The following LHFPL6 variants were observed in gnomAD, a reference collection of about 807,000 sequenced individuals.
LHFPL6 encodes the protein LHFPL tetraspan subfamily member 6, also known as LHFPL tetraspan subfamily member 6 protein.
Under a neutral mutation model 20.6 loss-of-function variants are expected in LHFPL6, and 9 were observed. The ratio of observed to expected loss-of-function variants is 0.44; its 90% CI spans 0.26 to 0.76. The LOEUF (loss-of-function observed/expected upper bound fraction) is 0.76. LHFPL6 is among the 30% of genes least tolerant of loss of function. The probability of loss-of-function intolerance (pLI) is 0.20; values close to 1 mark genes in which losing one functional copy is unlikely to be tolerated. For missense variants in LHFPL6, 218 were observed against 253.5 expected (o/e 0.86, Z 0.95); for synonymous variants, 105 against 98.7 (o/e 1.06, Z -0.38).
chr13:39,569,219 T>A (rs553137354), intron 2 of LHFPL6, among the ~76,000 whole-genome samples: 1 of 151,508 alleles, frequency 6.6e-6, no homozygotes, highest in South Asian at 2.1e-4. Flanking sequence ...ACTGCAAACA[T>A]CAGAATTGTT....
chr13:39,413,060 C>T (rs547952613), intron 2 of LHFPL6, among the ~76,000 whole-genome samples: 23 of 152,222 alleles, frequency 1.5e-4, no homozygotes, highest in African/African-American at 4.1e-4. Context: ...CAAAGATGAA[C>T]GAGCCCTAAC....
intron 2 of LHFPL6, among the ~76,000 whole-genome samples, chr13:39,447,778 T>C (rs993856930): frequency 4.6e-5 from 7 of 152,194 alleles, no homozygotes; most frequent in African/African-American, 1.7e-4. Flanking sequence ...CGACCTAGTA[T>C]AGTATTTGGG....
At chr13:39,593,795 C>A (rs1872684846) in intron 2 of LHFPL6, among the ~76,000 whole-genome samples, 1 of 151,908 alleles carries the variant, frequency 6.6e-6, no homozygotes, top group Non-Finnish European at 1.5e-5. Flanking sequence ...AGAACAGAGC[C>A]CTCAGAAATA....
Position 39,380,046 on chromosome 13 carries a change from C to T in LHFPL6, c.386-1520G>A, listed in dbSNP as rs76189533. On this transcript the variant is annotated intron_variant, in intron 2 of 3. Coordinates refer to ENST00000379589, the MANE Select transcript of LHFPL6 (RefSeq NM_005780.3). ...TGGCCAATTTCCTTAGGCTTTTCCCCTTGGGATAGAATGTACAGCATTCTA... is the reference window on the plus strand; with the variant it reads ...TGGCCAATTTCCTTAGGCTTTTCCCTTTGGGATAGAATGTACAGCATTCTA... Among the ~76,000 whole-genome samples the T allele has an allele frequency of 9.4e-3, 1,437 of 152,296 alleles. 24 individuals are homozygous for T. Among genetic ancestry groups the T allele is most frequent in the African/African-American group, 0.033 (1,369 of 41,550 alleles).
chr13:39,444,662 A>G (rs1872238041), intron 2 of LHFPL6, among the ~76,000 whole-genome samples: 1 of 152,180 alleles, frequency 6.6e-6, no homozygotes, highest in Non-Finnish European at 1.5e-5. Context: ...CAAGCTATAA[A>G]TCTTGATAAC....
At chr13:39,492,788 C>G (rs947805821) in intron 2 of LHFPL6, among the ~76,000 whole-genome samples, 1 of 152,072 alleles carries the variant, frequency 6.6e-6, no homozygotes, top group African/African-American at 2.4e-5. Flanking sequence ...TCAAGTGATT[C>G]TCCTGCCTCA....
intron 2 of LHFPL6, among the ~76,000 whole-genome samples, chr13:39,589,390 T>C (rs1452025351): frequency 6.6e-6 from 1 of 152,132 alleles, no homozygotes; most frequent in East Asian, 1.9e-4. Flanking sequence ...ATTACAGATG[T>C]GAGTCACCGC....
At chr13:39,374,669 C>A (rs1357358098) in intron 3 of LHFPL6, among the ~76,000 whole-genome samples, 1 of 152,154 alleles carries the variant, frequency 6.6e-6, no homozygotes, top group East Asian at 1.9e-4. Flanking sequence ...TGTTTGCCAA[C>A]CTCTGGCTTA....
At chr13:39,364,087 T>C (rs1048243309) in intron 3 of LHFPL6, among the ~76,000 whole-genome samples, 1 of 152,196 alleles carries the variant, frequency 6.6e-6, no homozygotes, top group African/African-American at 2.4e-5. Context: ...GAAACATCAT[T>C]ATGTAGTGCG....
chr13:39,347,306 C>G (rs1869431469), intron 3 of LHFPL6, among the ~76,000 whole-genome samples: 1 of 152,100 alleles, frequency 6.6e-6, no homozygotes, highest in South Asian at 2.1e-4. Flanking sequence ...AATTCTACTT[C>G]CAGATCGTGG....
chr13:39,361,954 G>C (rs1462482624), intron 3 of LHFPL6, among the ~76,000 whole-genome samples: 1 of 152,208 alleles, frequency 6.6e-6, no homozygotes, highest in East Asian at 1.9e-4. Flanking sequence ...GATAAACCCA[G>C]TGTGATGAAA....
Position 39,403,170 on chromosome 13 carries a change from A to ATACAT in LHFPL6, c.386-24645_386-24644insATGTA, listed in dbSNP as rs536647402. 5.3e-4 allele frequency among the ~76,000 whole-genome samples: 81 copies of ATACAT among 152,350 alleles called. 1 individual carries two copies. The South Asian group carries it at 9.1e-3, about 17-fold the overall frequency. On this transcript the variant is annotated intron_variant, in intron 2 of 3. Transcript: ENST00000379589. ...CAGGGATCAATACATTGTGTGAGGTATGGGAGAAGCAATGCTTTTGTCAAG... is the reference window on the plus strand; with the variant it reads ...CAGGGATCAATACATTGTGTGAGGTATACATTGGGAGAAGCAATGCTTTTGTCAAG...
chr13:39,540,774 A>G (rs1189621107), intron 2 of LHFPL6, among the ~76,000 whole-genome samples: 1 of 152,230 alleles, frequency 6.6e-6, no homozygotes, highest in Non-Finnish European at 1.5e-5. Flanking sequence ...AAAGTATTTT[A>G]AGTTGCCAAA....
intron 3 of LHFPL6, among the ~76,000 whole-genome samples, chr13:39,345,539 A>AG (rs1399253868): frequency 6.8e-6 from 1 of 146,326 alleles, no homozygotes; most frequent in African/African-American, 2.5e-5. Flanking sequence ...AAAAAAAAAA[A>AG]AGAAAGAAAA....
intron 2 of LHFPL6, among the ~76,000 whole-genome samples, chr13:39,453,574 C>A (rs1038560397): frequency 6.6e-5 from 10 of 152,166 alleles, no homozygotes; most frequent in African/African-American, 2.4e-4. Flanking sequence ...ATTGGCAAGG[C>A]AAGTATTAGT....
chr13:39,427,965 G>A (rs112362397), intron 2 of LHFPL6, among the ~76,000 whole-genome samples: 3,952 of 152,294 alleles, frequency 0.026, 155 homozygotes, highest in African/African-American at 0.087. Context: ...GCCATGTGAA[G>A]TGCTGGCTCC....
At chr13:39,597,231 C>T (rs1031395656) in intron 2 of LHFPL6, among the ~76,000 whole-genome samples, 1 of 152,196 alleles carries the variant, frequency 6.6e-6, no homozygotes, top group African/African-American at 2.4e-5. Context: ...GGTACTTCCT[C>T]ATTACTGCAC....
intron 2 of LHFPL6, among the ~76,000 whole-genome samples, chr13:39,515,126 C>A (rs980129535): frequency 6.6e-6 from 1 of 152,366 alleles, no homozygotes; most frequent in African/African-American, 2.4e-5. Flanking sequence ...GCTCTGCCCA[C>A]TTCACCTGGC....
intron 2 of LHFPL6, among the ~76,000 whole-genome samples, chr13:39,440,328 G>T (rs750591652): frequency 1.3e-5 from 2 of 152,100 alleles, no homozygotes; most frequent in Non-Finnish European, 2.9e-5. Flanking sequence ...TCTACACTCT[G>T]TTTAAAAAAC....
Sources: allele counts gnomAD v4.1 joint callset (sites outside exome capture counted in the v4.1 genomes callset), GRCh38; gene constraint gnomAD v4.1.1; transcripts MANE v1.5; gene names NCBI Gene and HGNC (gene_info 2026-07-23, HGNC 2026-07-21).